GTF3C5: variants seen among roughly 807,000 people sequenced by gnomAD.
The protein encoded by GTF3C5 is general transcription factor IIIC subunit 5.
In GTF3C5, 47 loss-of-function variants were observed where a neutral mutation model predicts 61.0. The observed-to-expected ratio is 0.77, with a 90% CI of 0.61 to 0.98. The LOEUF is 0.98. Ranked by LOEUF, GTF3C5 falls within the 50% of genes least tolerant of loss-of-function variation. The probability of loss-of-function intolerance (pLI) is 0.00; values close to 1 mark genes in which losing one functional copy is unlikely to be tolerated. For missense variants in GTF3C5, 659 were observed against 703.3 expected (o/e 0.94, Z 0.71); for synonymous variants, 295 against 275.4 (o/e 1.07, Z -0.71).
chr9:133,048,623 C>T (rs1015149051), intron 3 of GTF3C5, among the ~76,000 whole-genome samples: 4 of 151,994 alleles, frequency 2.6e-5, no homozygotes, highest in Admixed American at 2.0e-4. Flanking sequence ...GAGCTGAGAT[C>T]GTGCCATTGC....
At position 133,042,103 on chromosome 9, in the gene GTF3C5, C is replaced by A. The variant is rs1307601453; in HGVS notation, c.170C>A (p.Thr57Asn). 1 of 1,613,658 alleles carries A rather than the reference C, an allele frequency of 6.2e-7. No homozygotes were observed. Among genetic ancestry groups the A allele is most frequent in the Non-Finnish European group, 8.5e-7 (1 of 1,179,854 alleles). The change falls in exon 2 of 11, where the codon ACC becomes AAC. Residue 57 changes from threonine (T) to asparagine (N), a missense_variant. By Grantham distance (65) the Thr-to-Asn change is moderately conservative (BLOSUM62 0). Coordinates refer to ENST00000372097, the MANE Select transcript of GTF3C5 (RefSeq NM_012087.4). ...TTGCCACAGATCTACGCAGACCCCA[C>A]CAAGAGGCTGGAGCTGTACTTCCGG... ...EGVSRIYADPTKRLELYFRPK... is the reference protein window; with the variant it reads ...EGVSRIYADPNKRLELYFRPK...
chr9:133,040,180 G>A (rs1410188593), intron 1 of GTF3C5, among the ~76,000 whole-genome samples: 1 of 152,118 alleles, frequency 6.6e-6, no homozygotes, highest in Non-Finnish European at 1.5e-5. Flanking sequence ...CCAGGCCTAC[G>A]TTTGGGTTCA....
chr9:133,055,530 G>A (rs1432213291), intron 8 of GTF3C5: 6 of 1,195,340 alleles, frequency 5.0e-6, no homozygotes, highest in African/African-American at 1.6e-5. Context: ...CTAGGAGGCC[G>A]TTATCCTTAC....
chr9:133,033,633 T>C (rs1256292976), intron 1 of GTF3C5, among the ~76,000 whole-genome samples: 1 of 152,114 alleles, frequency 6.6e-6, no homozygotes, highest in African/African-American at 2.4e-5. Context: ...CGGCACGATT[T>C]ATCACCCCAG....
At chr9:133,042,502 C>G (rs1564197548) in intron 2 of GTF3C5, among the ~76,000 whole-genome samples, 196 bp downstream of exon 2, 1 of 152,250 alleles carries the variant, frequency 6.6e-6, no homozygotes, top group Non-Finnish European at 1.5e-5. Flanking sequence ...CCAGAGACTG[C>G]AGGTTCATTG....
intron 8 of GTF3C5, chr9:133,055,023 G>T: frequency 1.3e-6 from 2 of 1,551,738 alleles, no homozygotes; most frequent in Non-Finnish European, 1.7e-6. Context: ...TGGCGAAGAG[G>T]TGGTGACAAG....
chr9:133,054,708 G>A lies in GTF3C5; in HGVS notation c.1070-4G>A, dbSNP rs1382555091. ...TTCCAAGCACTGCTGTTGTCCCCAC[G>A]CAGCCAGCCAGCTTGTCACCATGCA... On this transcript the variant is annotated splice_polypyrimidine_tract_variant and splice_region_variant and intron_variant, in intron 7 of 10. Coordinates refer to ENST00000372097, the MANE Select transcript of GTF3C5 (RefSeq NM_012087.4). 11 of 1,562,874 alleles carry A rather than the reference G, an allele frequency of 7.0e-6. No homozygotes were observed. Among genetic ancestry groups the A allele is most frequent in the South Asian group, 4.7e-5 (4 of 84,898 alleles).
At chr9:133,047,646 C>T (rs1025501631) in intron 3 of GTF3C5, among the ~76,000 whole-genome samples, 5 of 151,962 alleles carry the variant, frequency 3.3e-5, no homozygotes, top group Non-Finnish European at 7.4e-5. Context: ...CTCAGCCTCC[C>T]GAGTAGCTGG....
chr9:133,055,712 A>G, intron 8 of GTF3C5: 1 of 1,275,280 alleles, frequency 7.8e-7, no homozygotes, highest in Non-Finnish European at 1.0e-6. Context: ...AGAGCCCGGC[A>G]CAAGGCTAGT....
intron 1 of GTF3C5, among the ~76,000 whole-genome samples, chr9:133,035,291 G>A (rs529102194): frequency 6.6e-6 from 1 of 152,234 alleles, no homozygotes; most frequent in Non-Finnish European, 1.5e-5. Flanking sequence ...AGTACTTTAG[G>A]CAACCGACTG....
chr9:133,033,903 C>G (rs1006638148), intron 1 of GTF3C5, among the ~76,000 whole-genome samples: 1 of 152,050 alleles, frequency 6.6e-6, no homozygotes, highest in Non-Finnish European at 1.5e-5. Flanking sequence ...TTGTGGAGAC[C>G]GGAGGGGAAC....
chr9:133,049,936 C>T (rs977792489), intron 3 of GTF3C5, among the ~76,000 whole-genome samples: 1 of 151,526 alleles, frequency 6.6e-6, no homozygotes, highest in Non-Finnish European at 1.5e-5. Context: ...GCTGAGACGT[C>T]GTCACCCAGT....
chr9:133,038,751 C>G (rs1296723383), intron 1 of GTF3C5, among the ~76,000 whole-genome samples: 1 of 151,990 alleles, frequency 6.6e-6, no homozygotes, highest in Non-Finnish European at 1.5e-5. Context: ...GCCACTGCGC[C>G]CGGCTCCTAG....
intron 3 of GTF3C5, among the ~76,000 whole-genome samples, chr9:133,044,980 A>G (rs1850158480): frequency 6.6e-6 from 1 of 151,028 alleles, no homozygotes; most frequent in Non-Finnish European, 1.5e-5. Flanking sequence ...TCTGTAACTC[A>G]GAGGTTCTTG....
At chr9:133,044,123 T>G (rs1588469381) in intron 3 of GTF3C5, 197 bp downstream of exon 3, 4 of 273,244 alleles carry the variant, frequency 1.5e-5, no homozygotes, top group African/African-American at 6.0e-5. Flanking sequence ...CCAGCCCGGG[T>G]GACAGAGTGA....
At position 133,043,619 on chromosome 9, in the gene GTF3C5, T is replaced by C. The variant is rs1391874669; in HGVS notation, c.374-109T>C. 7 of 851,036 alleles carry C rather than the reference T, an allele frequency of 8.2e-6. No homozygotes were observed. In the African/African-American group the frequency reaches 9.9e-5, roughly 12 times the overall value. 52.7% of individuals were successfully genotyped at this position (851,036 alleles called of 1,614,324 possible). On this transcript the variant is annotated intron_variant, in intron 2 of 10. Transcript: ENST00000372097. Reference sequence around the variant, plus strand: ...TTCCTGCCACCCTCACCCTGCAGCCTCCACCACATGGCCCACTCAGCACCT... The same window carrying C: ...TTCCTGCCACCCTCACCCTGCAGCCCCCACCACATGGCCCACTCAGCACCT...
At position 133,044,099 on chromosome 9, in the gene GTF3C5, C is replaced by T. The variant is rs190790976; in HGVS notation, c.572+173C>T. On this transcript the variant is annotated intron_variant, in intron 3 of 10. Transcript: ENST00000372097. Reference sequence around the variant, plus strand: ...GGCGGAGGTTGCAGTGAGCCAAGATCGCGTCACTGCACTCCAGCCCGGGTG... The same window carrying T: ...GGCGGAGGTTGCAGTGAGCCAAGATTGCGTCACTGCACTCCAGCCCGGGTG... The T allele has an allele frequency of 5.0e-3, 2,183 of 437,104 alleles. 12 individuals are homozygous for T. Among genetic ancestry groups the T allele is most frequent in the Admixed American group, 8.4e-3 (198 of 23,712 alleles). 27.1% of individuals were successfully genotyped at this position (437,104 alleles called of 1,614,324 possible). A position where few individuals can be genotyped will look rare whatever the true frequency, so the allele number is the denominator to read the frequency against.
chr9:133,045,520 C>T (rs1012179202), intron 3 of GTF3C5, among the ~76,000 whole-genome samples: 1 of 152,212 alleles, frequency 6.6e-6, no homozygotes, highest in Non-Finnish European at 1.5e-5. Context: ...GTCATAGCCC[C>T]GGTGCCCAGA....
At chr9:133,037,154 C>A (rs1378818595) in intron 1 of GTF3C5, among the ~76,000 whole-genome samples, 1 of 152,156 alleles carries the variant, frequency 6.6e-6, no homozygotes, top group Non-Finnish European at 1.5e-5. Flanking sequence ...GGGGATCTTT[C>A]CATTCGCAAG....
Sources: allele counts gnomAD v4.1 joint callset (sites outside exome capture counted in the v4.1 genomes callset), GRCh38; gene constraint gnomAD v4.1.1; transcripts MANE v1.5; gene names NCBI Gene and HGNC (gene_info 2026-07-23, HGNC 2026-07-21).